TTC7B: variants seen among roughly 807,000 people sequenced by gnomAD.
The protein encoded by TTC7B is tetratricopeptide repeat domain 7B.
In TTC7B, 28 loss-of-function variants were observed where a neutral mutation model predicts 106.8. That is an observed-to-expected ratio of 0.26 (90% CI 0.19 to 0.36). The LOEUF (loss-of-function observed/expected upper bound fraction) is 0.36, where lower values mean the gene tolerates loss of function less well. Among genes scored for constraint, TTC7B ranks in the 10% least tolerant of loss-of-function variants. The probability of loss-of-function intolerance (pLI) is 1.00; values close to 1 mark genes in which losing one functional copy is unlikely to be tolerated. For missense variants in TTC7B, 862 were observed against 1,076.4 expected, an observed-to-expected ratio of 0.80 and a Z score of 2.79; for synonymous variants, 405 against 430.6, an observed-to-expected ratio of 0.94 and a Z score of 0.74.
At chr14:90,631,594 G>A (rs1884706993) in intron 15 of TTC7B, among the ~76,000 whole-genome samples, 1 of 151,818 alleles carries the variant, frequency 6.6e-6, no homozygotes, top group South Asian at 2.1e-4. Flanking sequence ...TTTTAGTAGA[G>A]ACGGGGTTTC....
chr14:90,688,621 C>CAAAAAAA (rs57020065), intron 7 of TTC7B, among the ~76,000 whole-genome samples: 7 of 54,486 alleles, frequency 1.3e-4, no homozygotes, highest in African/African-American at 5.1e-4. Flanking sequence ...GGCTCTGTCT[C>CAAAAAAA]AAAAAAAAAA....
At chr14:90,604,594 GC>G (rs1892565184) in intron 17 of TTC7B, among the ~76,000 whole-genome samples, 1 of 152,150 alleles carries the variant, frequency 6.6e-6, no homozygotes, top group African/African-American at 2.4e-5. Flanking sequence ...CCCCTTAAGA[GC>G]TTTTGTTCAG....
Position 90,610,779 on chromosome 14 carries a change from A to C in TTC7B, c.1929T>G (p.Asn643Lys). Residue 643 changes from asparagine to lysine, a missense_variant, in exon 17 of 20, where the codon AAT becomes AAG. By Grantham distance (94) the Asn-to-Lys change is moderately conservative. Transcript: ENST00000328459. The part of the protein sequence containing the change: ...DRTIADRRQL[N>K]TITLPDFSDP... ...CGCTGAAGTCTGGCAAAGTAATTGT[A>C]TTAAGCTGTCGTCTGTCAGCAATGG... The C allele has an allele frequency of 6.2e-7, 1 of 1,614,086 alleles. No individual in the cohort carries two copies. The highest frequency in any genetic ancestry group is 8.5e-7 in the Non-Finnish European group (1 of 1,179,964).
At chr14:90,781,553 C>A (rs576973740) in intron 2 of TTC7B, among the ~76,000 whole-genome samples, 1 of 152,268 alleles carries the variant, frequency 6.6e-6, no homozygotes, top group African/African-American at 2.4e-5. Flanking sequence ...AGGAATGCTT[C>A]ATAAGTTAAA....
intron 7 of TTC7B, among the ~76,000 whole-genome samples, chr14:90,688,805 AT>A: frequency 6.6e-6 from 1 of 152,150 alleles, no homozygotes; most frequent in African/African-American, 2.4e-5. Flanking sequence ...TCTCAAAAAA[AT>A]AAAAAATAAA....
At chr14:90,626,554 C>T (rs1321948638) in intron 15 of TTC7B, among the ~76,000 whole-genome samples, 1 of 152,216 alleles carries the variant, frequency 6.6e-6, no homozygotes, top group Non-Finnish European at 1.5e-5. Flanking sequence ...ACTGAGTAAC[C>T]ATCCCTCTCC....
Position 90,528,157 on chromosome 14 carries a change from C to A in TTC7B, c.*13211G>T, listed in dbSNP as rs756237140. ...CCATGGAAACAGGAATGGGTGACAG[C>A]CCCACGCTCCCCTGCTGTGAGCCTC... On this transcript the variant is annotated 3_prime_UTR_variant, in exon 20 of 20. Transcript: ENST00000328459. 9 of 152,156 alleles carry A rather than the reference C, an allele frequency of 5.9e-5. No homozygotes were observed. The highest frequency in any genetic ancestry group is 2.6e-4 in the Admixed American group (4 of 15,286). 9.4% of individuals were successfully genotyped at this position (152,156 alleles called of 1,614,324 possible). A position where few individuals can be genotyped will look rare whatever the true frequency, so the allele number is the denominator to read the frequency against.
chr14:90,591,200 G>T (rs1273903582), intron 18 of TTC7B, among the ~76,000 whole-genome samples: 1 of 152,126 alleles, frequency 6.6e-6, no homozygotes, highest in Non-Finnish European at 1.5e-5. Context: ...AATCAGTGGA[G>T]CATGGTGGCA....
chr14:90,541,610 G>A, intron 19 of TTC7B, 21 bp from the exon 20 acceptor site: 1 of 1,534,998 alleles, frequency 6.5e-7, no homozygotes, highest in Non-Finnish European at 8.8e-7. Context: ...CAGAGAGAGA[G>A]AGAGACAGTC....
intron 9 of TTC7B, among the ~76,000 whole-genome samples, chr14:90,666,050 C>T (rs1020393094): frequency 2.0e-5 from 3 of 152,170 alleles, no homozygotes; most frequent in African/African-American, 4.8e-5. Context: ...TTACAGATAT[C>T]GAAACTAAGA....
At chr14:90,752,541 T>A (rs1209068724) in intron 3 of TTC7B, among the ~76,000 whole-genome samples, 2 of 152,216 alleles carry the variant, frequency 1.3e-5, no homozygotes, top group African/African-American at 4.8e-5. Context: ...CAGGTCTGTC[T>A]AGATTTGAGA....
intron 19 of TTC7B, among the ~76,000 whole-genome samples, chr14:90,544,457 C>T (rs1313408134): frequency 1.3e-5 from 2 of 152,158 alleles, no homozygotes; most frequent in African/African-American, 4.8e-5. Flanking sequence ...TGGAGTCCAG[C>T]TGCGGGTGGC....
At chr14:90,568,230 G>A (rs1351103064) in intron 19 of TTC7B, among the ~76,000 whole-genome samples, 1 of 152,172 alleles carries the variant, frequency 6.6e-6, no homozygotes, top group Non-Finnish European at 1.5e-5. Flanking sequence ...TAAGGAGCGG[G>A]AATCGGGACC....
chr14:90,808,419 A>C lies in TTC7B; in HGVS notation c.121+7756T>G, dbSNP rs908875987. ...TTTCAGATGATCATGTGATGTGTACAAGGTGGCTTGGAGGGCAAATGCAGA... is the reference window on the plus strand; with the variant it reads ...TTTCAGATGATCATGTGATGTGTACCAGGTGGCTTGGAGGGCAAATGCAGA... On this transcript the variant is annotated intron_variant, in intron 1 of 19. Coordinates refer to ENST00000328459, the MANE Select transcript of TTC7B (RefSeq NM_001010854.2). This position sits in a 1 kb window ranked among gnomAD's most constrained non-coding sequence, Gnocchi z 4.2. Among the ~76,000 whole-genome samples the C allele has an allele frequency of 6.6e-6, 1 of 152,230 alleles. No homozygotes were observed. The highest frequency in any genetic ancestry group is 6.5e-5 in the Admixed American group (1 of 15,292).
intron 3 of TTC7B, among the ~76,000 whole-genome samples, chr14:90,751,976 T>C (rs1449026115): frequency 6.6e-6 from 1 of 152,154 alleles, no homozygotes; most frequent in Non-Finnish European, 1.5e-5. Context: ...GGTAATGTCC[T>C]AGAGGGGCAA....
intron 2 of TTC7B, among the ~76,000 whole-genome samples, chr14:90,783,570 G>A (rs1207370395): frequency 6.6e-6 from 1 of 152,184 alleles, no homozygotes; most frequent in Non-Finnish European, 1.5e-5. Flanking sequence ...AGCTCAGAGA[G>A]GTTAAGTAAC....
chr14:90,578,352 T>C lies in TTC7B; in HGVS notation c.2108-44A>G, dbSNP rs767319403. The C allele has an allele frequency of 1.9e-6, 3 of 1,588,402 alleles. No individual in the cohort carries two copies. Among genetic ancestry groups the C allele is most frequent in the South Asian group, 1.1e-5 (1 of 88,040 alleles). ...GGCACATGCTTTCCTGGTGCCCCTC[T>C]GAGGCCCTGCGAGCAGCCACCACTC... On this transcript the variant is annotated intron_variant, in intron 18 of 19. Coordinates refer to ENST00000328459, the MANE Select transcript of TTC7B (RefSeq NM_001010854.2). The surrounding 1 kb of genome is among the most constrained non-coding windows in gnomAD (Gnocchi z 4.7).
intron 2 of TTC7B, among the ~76,000 whole-genome samples, chr14:90,783,966 T>C (rs537601457): frequency 1.3e-5 from 2 of 151,930 alleles, no homozygotes; most frequent in South Asian, 4.2e-4. Flanking sequence ...TCAATGGGCT[T>C]ACTACCACAC....
At position 90,657,068 on chromosome 14, in the gene TTC7B, G is replaced by T; in HGVS notation, c.1341+106C>A. On this transcript the variant is annotated intron_variant, in intron 11 of 19. Transcript: ENST00000328459. The surrounding 1 kb of genome is among the most constrained non-coding windows in gnomAD (Gnocchi z 4.2). ...CTCTACACAGTCTTGTCTTTGTACA[G>T]CTGATGAATCACCCTCGCTTTCTCT... is the stretch of plus-strand genomic sequence containing the variant. The T allele has an allele frequency of 1.0e-6, 1 of 988,768 alleles. No homozygotes were observed. Among genetic ancestry groups the T allele is most frequent in the Non-Finnish European group, 1.5e-6 (1 of 659,496 alleles). 61.2% of individuals were successfully genotyped at this position (988,768 alleles called of 1,614,324 possible). A position where few individuals can be genotyped will look rare whatever the true frequency, so the allele number is the denominator to read the frequency against.
Sources: allele counts gnomAD v4.1 joint callset (sites outside exome capture counted in the v4.1 genomes callset), GRCh38; gene constraint gnomAD v4.1.1; non-coding constraint Gnocchi (gnomAD v3.1); transcripts MANE v1.5; gene names NCBI Gene and HGNC (gene_info 2026-07-23, HGNC 2026-07-21).